The following LHFPL6 variants were observed in gnomAD, a reference collection of about 807,000 sequenced individuals.
LHFPL6 encodes LHFPL tetraspan subfamily member 6 protein.
LHFPL6 carries 9 observed loss-of-function variants against 20.6 expected under a neutral mutation model. That is an observed-to-expected ratio of 0.44 (90% confidence interval 0.26 to 0.76). LHFPL6 has a LOEUF of 0.76. Ranked by LOEUF, LHFPL6 falls within the 30% of genes least tolerant of loss-of-function variation. The pLI is 0.20. For synonymous variants in LHFPL6, 105 were observed against 98.7 expected, an observed-to-expected ratio of 1.06 and a Z score of -0.38; for missense variants, 218 against 253.5, an observed-to-expected ratio of 0.86 and a Z score of 0.95.
chr13:39,472,790 T>C (rs571176117), intron 2 of LHFPL6, among the ~76,000 whole-genome samples: 1 of 151,956 alleles, frequency 6.6e-6, no homozygotes, highest in Non-Finnish European at 1.5e-5. Flanking sequence ...TGTATTTTTA[T>C]TAGAGATATG....
At position 39,566,375 on chromosome 13, in the gene LHFPL6, T is replaced by C. The variant is rs192921650; in HGVS notation, c.385+34457A>G. Among the ~76,000 whole-genome samples, 628 of 152,308 alleles carry C rather than the reference T, an allele frequency of 4.1e-3. 5 individuals are homozygous for C. Among genetic ancestry groups the C allele is most frequent in the Non-Finnish European group, 7.3e-3 (496 of 68,014 alleles). ...AAATCCTTAGAAAGCAGAAACCATG[T>C]CTGAATGACTCAGTATACATTGTCC... is the stretch of plus-strand genomic sequence containing the variant. On this transcript the variant is annotated intron_variant, in intron 2 of 3. Transcript: ENST00000379589.
intron 2 of LHFPL6, among the ~76,000 whole-genome samples, chr13:39,510,522 G>A (rs1455856431): frequency 6.6e-6 from 1 of 152,184 alleles, no homozygotes; most frequent in African/African-American, 2.4e-5. Context: ...GTGGGGTGGG[G>A]ATAGCAGATG....
rs1396397089 is a variant in LHFPL6, at chr13:39,600,953, C to G, written c.264G>C (p.Val88=). 4 of 1,609,238 alleles carry G rather than the reference C, an allele frequency of 2.5e-6. No individual in the cohort carries two copies. In the East Asian group the frequency reaches 6.7e-5, roughly 27 times the overall value. Residue 88 remains valine (V), a synonymous_variant, in exon 2 of 4, where the codon GTG becomes GTC. Coordinates refer to ENST00000379589, the MANE Select transcript of LHFPL6 (RefSeq NM_005780.3). ...GGAGGAGGCCACAACCCAGGCCGGT[C>G]ACTATGGTGCAGATCCTCCATTCTG... ...PSAEWRICTI[V]TGLGCGLLLL...
chr13:39,597,537 T>G (rs1012749490), intron 2 of LHFPL6, among the ~76,000 whole-genome samples: 2 of 152,222 alleles, frequency 1.3e-5, no homozygotes, highest in African/African-American at 4.8e-5. Context: ...TATATACATG[T>G]TAACATTTTT....
At chr13:39,390,464 C>T (rs1007676723) in intron 2 of LHFPL6, among the ~76,000 whole-genome samples, 8 of 152,060 alleles carry the variant, frequency 5.3e-5, no homozygotes, top group Non-Finnish European at 7.3e-5. Flanking sequence ...CACCATTGCA[C>T]TCCAGCCTGG....
intron 2 of LHFPL6, among the ~76,000 whole-genome samples, chr13:39,480,481 G>T (rs1407216074): frequency 6.6e-6 from 1 of 152,158 alleles, no homozygotes; most frequent in East Asian, 1.9e-4. Context: ...TTGTAAGAAG[G>T]AGATACCAAG....
intron 2 of LHFPL6, among the ~76,000 whole-genome samples, chr13:39,404,698 G>T (rs28394096): frequency 0.11 from 16,809 of 152,072 alleles, 1,273 homozygotes; most frequent in East Asian, 0.31. Context: ...TGCCATTTAT[G>T]AGCTCCATCT....
chr13:39,575,053 G>C (rs1872071145), intron 2 of LHFPL6, among the ~76,000 whole-genome samples: 1 of 151,712 alleles, frequency 6.6e-6, no homozygotes, highest in Non-Finnish European at 1.5e-5. Context: ...CCTCGCGACA[G>C]AGCAAACTCC....
intron 2 of LHFPL6, among the ~76,000 whole-genome samples, chr13:39,408,284 C>T (rs186866145): frequency 1.4e-4 from 21 of 152,312 alleles, no homozygotes; most frequent in African/African-American, 4.8e-4. Flanking sequence ...GTAGACTAAA[C>T]TTAACTGCCC....
At chr13:39,464,207 C>G (rs1872748530) in intron 2 of LHFPL6, among the ~76,000 whole-genome samples, 1 of 152,126 alleles carries the variant, frequency 6.6e-6, no homozygotes, top group African/African-American at 2.4e-5. Flanking sequence ...GTCTTCAGTA[C>G]AGCATAGAAA....
intron 2 of LHFPL6, among the ~76,000 whole-genome samples, chr13:39,396,221 GGATGGGGCTGCTCTACCTGCTTTCT>G (rs1376840642): frequency 6.6e-6 from 1 of 152,076 alleles, no homozygotes; most frequent in Non-Finnish European, 1.5e-5. Flanking sequence ...GCCCCCACCA[GGATGGGGCTGCTCTACCTGCTTTCT>G]GATGGGGCTG....
At chr13:39,511,542 T>A (rs921287041) in intron 2 of LHFPL6, among the ~76,000 whole-genome samples, 11 of 151,444 alleles carry the variant, frequency 7.3e-5, no homozygotes, top group African/African-American at 2.7e-4. Flanking sequence ...AAACAAAGGA[T>A]TCAACTAAAG....
chr13:39,413,812 C>T lies in LHFPL6; in HGVS notation c.386-35286G>A, dbSNP rs1483898395. 3.3e-5 allele frequency among the ~76,000 whole-genome samples: 5 copies of T among 152,184 alleles called. No homozygotes were observed. In the South Asian group the frequency reaches 8.3e-4, roughly 25 times the overall value. Reference sequence around the variant, plus strand: ...ATCAACCAGCACCCCAGTAGCCTTCCTTCTATTCCTTTTTAATCACCACCC... The same window carrying T: ...ATCAACCAGCACCCCAGTAGCCTTCTTTCTATTCCTTTTTAATCACCACCC... On this transcript the variant is annotated intron_variant, in intron 2 of 3. Coordinates refer to ENST00000379589, the MANE Select transcript of LHFPL6 (RefSeq NM_005780.3).
At chr13:39,588,042 G>A (rs1430289496) in intron 2 of LHFPL6, among the ~76,000 whole-genome samples, 2 of 152,046 alleles carry the variant, frequency 1.3e-5, no homozygotes, top group Admixed American at 6.5e-5. Context: ...TCCAGGAAAC[G>A]TAGTCCTTGT....
At chr13:39,595,008 C>G (rs925516016) in intron 2 of LHFPL6, among the ~76,000 whole-genome samples, 1 of 151,966 alleles carries the variant, frequency 6.6e-6, no homozygotes, top group Non-Finnish European at 1.5e-5. Context: ...AGGAGATATA[C>G]CTAATGTTAA....
intron 2 of LHFPL6, among the ~76,000 whole-genome samples, chr13:39,390,468 A>C (rs1040114508): frequency 6.6e-6 from 1 of 152,156 alleles, no homozygotes; most frequent in African/African-American, 2.4e-5. Flanking sequence ...ATTGCACTCC[A>C]GCCTGGGAGA....
intron 2 of LHFPL6, among the ~76,000 whole-genome samples, chr13:39,476,826 A>C (rs1041925142): frequency 6.6e-6 from 1 of 152,226 alleles, no homozygotes; most frequent in African/African-American, 2.4e-5. Context: ...ACAGACTCAC[A>C]AGCTTAAAAG....
chr13:39,473,428 A>T (rs1254942212), intron 2 of LHFPL6, among the ~76,000 whole-genome samples: 1 of 151,760 alleles, frequency 6.6e-6, no homozygotes, highest in Non-Finnish European at 1.5e-5. Flanking sequence ...TATGCAGGGA[A>T]TCACTGGGTA....
intron 2 of LHFPL6, among the ~76,000 whole-genome samples, chr13:39,463,793 T>G (rs1240426170): frequency 6.6e-6 from 1 of 152,194 alleles, no homozygotes; most frequent in Non-Finnish European, 1.5e-5. Context: ...TGCAGCACAC[T>G]CATGCTATAA....
Sources: allele counts gnomAD v4.1 joint callset (sites outside exome capture counted in the v4.1 genomes callset), GRCh38; gene constraint gnomAD v4.1.1; transcripts MANE v1.5; gene names NCBI Gene and HGNC (gene_info 2026-07-23, HGNC 2026-07-21).